SLC8A3: variants seen among roughly 807,000 people sequenced by gnomAD.
The protein encoded by SLC8A3 is solute carrier family 8 member A3.
SLC8A3 carries 37 observed loss-of-function variants against 65.4 expected under a neutral mutation model. That is an observed-to-expected ratio of 0.57 (90% CI 0.44 to 0.74). The LOEUF (loss-of-function observed/expected upper bound fraction) is 0.74, where lower values mean the gene tolerates loss of function less well. Ranked by LOEUF, SLC8A3 falls within the 30% of genes least tolerant of loss-of-function variation. The pLI, the probability that SLC8A3 is intolerant of heterozygous loss-of-function variation, is 0.00. For missense variants in SLC8A3, 1,112 were observed against 1,172.1 expected (o/e 0.95, Z 0.75); for synonymous variants, 461 against 444.5 (o/e 1.04, Z -0.47).
rs542744904 is a variant in SLC8A3, at chr14:70,051,235, C to T, written c.2014-128G>A. 5 of 635,822 alleles carry T rather than the reference C, an allele frequency of 7.9e-6. No homozygotes were observed. In the Admixed American group the frequency reaches 1.1e-4, roughly 13 times the overall value. The allele number at this position is 635,822 out of a possible 1,614,324, so 39.4% of individuals were successfully genotyped here. On this transcript the variant is annotated intron_variant, in intron 4 of 6. Transcript: ENST00000356921. ...TTCTGACAGTTACGCATGGAATGGCCTTGGGCGATCTCTTTTGAGGCAATC... is the reference window on the plus strand; with the variant it reads ...TTCTGACAGTTACGCATGGAATGGCTTTGGGCGATCTCTTTTGAGGCAATC...
chr14:70,088,446 G>A lies in SLC8A3; in HGVS notation c.1785-27507C>T, dbSNP rs116695518. Reference sequence around the variant, plus strand: ...ACTCTCTCTGCTACTCTCAGGTAACGGCTCCTTCCCCATCAGGCTATCAAT... The same window carrying A: ...ACTCTCTCTGCTACTCTCAGGTAACAGCTCCTTCCCCATCAGGCTATCAAT... On this transcript the variant is annotated intron_variant, in intron 2 of 6. Coordinates refer to ENST00000356921, the MANE Select transcript of SLC8A3 (RefSeq NM_182932.3). 9.5e-4 allele frequency among the ~76,000 whole-genome samples: 144 copies of A among 152,206 alleles called. 3 individuals are homozygous for A. The South Asian group carries it at 0.016, about 16-fold the overall frequency.
intron 1 of SLC8A3, among the ~76,000 whole-genome samples, chr14:70,186,768 G>A (rs1468260832): frequency 6.6e-6 from 1 of 152,188 alleles, no homozygotes; most frequent in African/African-American, 2.4e-5. Flanking sequence ...TTGGAGACCT[G>A]CAATGCATGA....
intron 2 of SLC8A3, among the ~76,000 whole-genome samples, chr14:70,076,617 C>T (rs1890541903): frequency 6.6e-6 from 1 of 152,184 alleles, no homozygotes; most frequent in Admixed American, 6.5e-5. Context: ...ACATTACTCC[C>T]TCCCGAGCAC....
At chr14:70,099,213 A>G in intron 2 of SLC8A3, among the ~76,000 whole-genome samples, 1 of 152,222 alleles carries the variant, frequency 6.6e-6, no homozygotes, top group Non-Finnish European at 1.5e-5. Flanking sequence ...TATGATTCAC[A>G]GACTAAATCC....
At chr14:70,052,804 A>G (rs901805479) in intron 3 of SLC8A3, among the ~76,000 whole-genome samples, 8 of 152,182 alleles carry the variant, frequency 5.3e-5, no homozygotes, top group Non-Finnish European at 7.3e-5. Flanking sequence ...CTCACATGCA[A>G]TTATTTCTTT....
chr14:70,154,102 T>C (rs543574550), intron 2 of SLC8A3, among the ~76,000 whole-genome samples: 1 of 152,242 alleles, frequency 6.6e-6, no homozygotes, highest in Non-Finnish European at 1.5e-5. Context: ...TGGGCCCAGT[T>C]ACCCCTATGT....
intron 2 of SLC8A3, among the ~76,000 whole-genome samples, chr14:70,149,975 C>G (rs1896161775): frequency 6.6e-6 from 1 of 152,168 alleles, no homozygotes; most frequent in Non-Finnish European, 1.5e-5. Flanking sequence ...TTTCCCTCTA[C>G]CTTCCTCCAG....
intron 3 of SLC8A3, among the ~76,000 whole-genome samples, chr14:70,057,294 G>GCAGA (rs1555368968): frequency 6.7e-6 from 1 of 149,464 alleles, no homozygotes; most frequent in Non-Finnish European, 1.5e-5. Context: ...AGGCAGATAG[G>GCAGA]TAGATAGATA....
At chr14:70,076,523 G>C (rs1262911491) in intron 2 of SLC8A3, among the ~76,000 whole-genome samples, 2 of 152,222 alleles carry the variant, frequency 1.3e-5, no homozygotes. Flanking sequence ...TCACTGCAGA[G>C]ACAATCTTAA....
At chr14:70,049,111 C>A in intron 5 of SLC8A3, 69 bp from the exon 6 acceptor site, 1 of 1,464,104 alleles carries the variant, frequency 6.8e-7, no homozygotes. Context: ...GAAAGTCAAG[C>A]CCAACCCGCA....
At chr14:70,051,552 C>T (rs1488389450) in intron 4 of SLC8A3, among the ~76,000 whole-genome samples, 1 of 152,158 alleles carries the variant, frequency 6.6e-6, no homozygotes, top group African/African-American at 2.4e-5. Context: ...CCTCCCATCT[C>T]GGCCTCTCAA....
At chr14:70,118,108 T>C (rs1278641723) in intron 2 of SLC8A3, among the ~76,000 whole-genome samples, 3 of 152,214 alleles carry the variant, frequency 2.0e-5, no homozygotes, top group Non-Finnish European at 4.4e-5. Context: ...CCACACCTGA[T>C]TAAAATAAAT....
intron 2 of SLC8A3, among the ~76,000 whole-genome samples, chr14:70,110,321 A>AACCCC (rs1893195020): frequency 1.4e-5 from 1 of 71,678 alleles, no homozygotes; most frequent in Non-Finnish European, 3.0e-5. Flanking sequence ...TAACCATCCC[A>AACCCC]CCCTCCCCCT....
chr14:70,093,429 G>A (rs994725711), intron 2 of SLC8A3, among the ~76,000 whole-genome samples: 8 of 152,154 alleles, frequency 5.3e-5, no homozygotes, highest in African/African-American at 1.7e-4. Context: ...ACTTCTCTGG[G>A]CCCTCTTTTC....
intron 3 of SLC8A3, chr14:70,060,507 T>C: frequency 2.3e-6 from 1 of 435,030 alleles, no homozygotes; most frequent in Admixed American, 2.8e-5. Context: ...CCATGGCAAT[T>C]GAATAATTGA....
Position 70,048,873 on chromosome 14 carries a change from C to A in SLC8A3, c.2283G>T (p.Met761Ile), listed in dbSNP as rs115578188. ...CCAGGTCCCCAATGATGGCGGTGAG[C>A]ATGCCAATGATGAGGATGGAGACGG... ...CFAVSILIIG[M>I]LTAIIGDLAS... is the part of the protein sequence containing the mutation. Residue 761 changes from methionine to isoleucine, a missense_variant, in exon 6 of 7, where the codon ATG becomes ATT. Physicochemically the swap from Met to Ile is conservative, Grantham distance 10. Transcript: ENST00000356921. 5.6e-6 allele frequency: 9 copies of A among 1,614,128 alleles called. No homozygotes were observed. Among genetic ancestry groups the A allele is most frequent in the Non-Finnish European group, 7.6e-6 (9 of 1,180,004 alleles).
chr14:70,175,965 C>A (rs1405866002), intron 1 of SLC8A3, among the ~76,000 whole-genome samples: 1 of 152,098 alleles, frequency 6.6e-6, no homozygotes, highest in African/African-American at 2.4e-5. Context: ...GAACTCCTGA[C>A]CTCAAGTGAT....
intron 2 of SLC8A3, among the ~76,000 whole-genome samples, chr14:70,087,866 G>A (rs1359833745): frequency 6.6e-6 from 1 of 152,192 alleles, no homozygotes; most frequent in Non-Finnish European, 1.5e-5. Flanking sequence ...TATTCATGGT[G>A]CATCTACATA....
At chr14:70,175,776 C>T (rs1897870367) in intron 1 of SLC8A3, among the ~76,000 whole-genome samples, 1 of 150,762 alleles carries the variant, frequency 6.6e-6, no homozygotes, top group Non-Finnish European at 1.5e-5. Flanking sequence ...ACTCTGTCAC[C>T]CAGGCTGGAG....
Sources: gnomAD v4.1 joint callset for allele counts (sites outside exome capture counted in the v4.1 genomes callset) on GRCh38, gnomAD v4.1.1 for gene constraint, MANE v1.5 for transcripts, NCBI Gene and HGNC (gene_info 2026-07-23, HGNC 2026-07-21) for gene names.